NELL1: variants seen among roughly 807,000 people sequenced by gnomAD.
The protein encoded by NELL1 is neural EGFL like 1.
A neutral mutation model predicts 107.4 loss-of-function variants in NELL1; 76 were observed. That is an observed-to-expected ratio of 0.71 (90% CI 0.59 to 0.86). The LOEUF is 0.86. Ranked by LOEUF, NELL1 falls within the 40% of genes least tolerant of loss-of-function variation. The pLI is 0.00. For missense variants in NELL1, 1,024 were observed against 1,005.5 expected (o/e 1.02, Z -0.25); for synonymous variants, 353 against 341.2 (o/e 1.03, Z -0.38).
chr11:21,543,933 T>C (rs1856362427), intron 16 of NELL1, among the ~76,000 whole-genome samples: 1 of 152,004 alleles, frequency 6.6e-6, no homozygotes, highest in African/African-American at 2.4e-5. Flanking sequence ...TAAACATTTC[T>C]GGGAGTTAGT....
intron 2 of NELL1, among the ~76,000 whole-genome samples, chr11:20,689,458 C>T (rs1176494457): frequency 1.3e-4 from 16 of 122,884 alleles, no homozygotes; most frequent in African/African-American, 4.9e-4. Flanking sequence ...ACAACAGTCC[C>T]CAGAGTGTGA....
At chr11:20,735,430 C>G (rs973109218) in intron 2 of NELL1, among the ~76,000 whole-genome samples, 1 of 152,110 alleles carries the variant, frequency 6.6e-6, no homozygotes, top group Non-Finnish European at 1.5e-5. Context: ...GGAGAAGTGC[C>G]AAGCAGAGGG....
intron 12 of NELL1, among the ~76,000 whole-genome samples, chr11:21,040,237 A>G (rs1853196945): frequency 6.6e-6 from 1 of 151,972 alleles, no homozygotes; most frequent in African/African-American, 2.4e-5. Context: ...ATTACTTGTA[A>G]ACATCAATTG....
chr11:21,298,172 A>G (rs1171926788), intron 14 of NELL1, among the ~76,000 whole-genome samples: 3 of 151,986 alleles, frequency 2.0e-5, no homozygotes, highest in Admixed American at 6.6e-5. Context: ...TACTCTTTAC[A>G]TTGGTTAATT....
chr11:21,268,907 G>T (rs936377118), intron 14 of NELL1, among the ~76,000 whole-genome samples: 2 of 152,078 alleles, frequency 1.3e-5, no homozygotes, highest in Non-Finnish European at 2.9e-5. Flanking sequence ...GGATAAAGTA[G>T]ACAGAATGTA....
chr11:21,094,467 C>A (rs1186057198), intron 12 of NELL1, among the ~76,000 whole-genome samples: 1 of 152,210 alleles, frequency 6.6e-6, no homozygotes, highest in Admixed American at 6.5e-5. Flanking sequence ...CTAGGCAGTA[C>A]CCCAGTAGGG....
At chr11:21,380,723 C>G (rs1490534825) in intron 15 of NELL1, among the ~76,000 whole-genome samples, 4 of 151,982 alleles carry the variant, frequency 2.6e-5, no homozygotes, top group African/African-American at 9.7e-5. Context: ...AAAAATATCT[C>G]CAGCTGTTTT....
chr11:20,751,687 G>T (rs1363385903), intron 2 of NELL1, among the ~76,000 whole-genome samples: 3 of 151,034 alleles, frequency 2.0e-5, no homozygotes, highest in African/African-American at 7.4e-5. Context: ...ATGAAGTCTT[G>T]CTGTGTTGCT....
chr11:21,236,614 A>G (rs1003199379), intron 14 of NELL1, among the ~76,000 whole-genome samples: 1 of 152,170 alleles, frequency 6.6e-6, no homozygotes, highest in Non-Finnish European at 1.5e-5. Flanking sequence ...CACTAAATAT[A>G]GTTATACCAG....
At chr11:21,072,749 A>G (rs1854045518) in intron 12 of NELL1, among the ~76,000 whole-genome samples, 1 of 152,184 alleles carries the variant, frequency 6.6e-6, no homozygotes. Flanking sequence ...AGCTATAATG[A>G]GACTTGGCTG....
chr11:21,332,981 T>G (rs1850305468), intron 14 of NELL1, among the ~76,000 whole-genome samples: 1 of 152,034 alleles, frequency 6.6e-6, no homozygotes, highest in Non-Finnish European at 1.5e-5. Context: ...TAGAAAATGA[T>G]GTGGTATAAA....
At chr11:21,334,520 C>T (rs995883001) in intron 14 of NELL1, among the ~76,000 whole-genome samples, 1 of 151,924 alleles carries the variant, frequency 6.6e-6, no homozygotes, top group African/African-American at 2.4e-5. Flanking sequence ...GGTCACTATT[C>T]TCCTAAAGGA....
intron 2 of NELL1, among the ~76,000 whole-genome samples, chr11:20,746,136 C>T (rs895677962): frequency 1.3e-5 from 2 of 152,152 alleles, no homozygotes; most frequent in African/African-American, 4.8e-5. Flanking sequence ...TGAGGGAAGA[C>T]TTCTGTAGTC....
intron 12 of NELL1, among the ~76,000 whole-genome samples, chr11:21,105,723 C>T (rs1372357400): frequency 6.6e-6 from 1 of 151,680 alleles, no homozygotes; most frequent in East Asian, 2.0e-4. Flanking sequence ...GACTTCCTTA[C>T]CCTCACTATC....
chr11:21,268,573 TGTG>T (rs1191028511), intron 14 of NELL1, among the ~76,000 whole-genome samples: 1 of 152,062 alleles, frequency 6.6e-6, no homozygotes, highest in Non-Finnish European at 1.5e-5. Flanking sequence ...ACCTGAGTCT[TGTG>T]GGGTGGAGAT....
At chr11:20,957,825 A>G (rs1186914891) in intron 11 of NELL1, among the ~76,000 whole-genome samples, 1 of 152,186 alleles carries the variant, frequency 6.6e-6, no homozygotes, top group Non-Finnish European at 1.5e-5. Flanking sequence ...AAACTGAAAG[A>G]TACATCTCAA....
chr11:20,792,044 A>G lies in NELL1; in HGVS notation c.335+8214A>G, dbSNP rs1400636062. 4.6e-5 allele frequency among the ~76,000 whole-genome samples: 7 copies of G among 152,110 alleles called. No homozygotes were observed. The East Asian group carries it at 1.4e-3, about 29-fold the overall frequency. On this transcript the variant is annotated intron_variant, in intron 3 of 19. Coordinates refer to ENST00000357134, the MANE Select transcript of NELL1 (RefSeq NM_006157.5). Reference sequence around the variant, plus strand: ...TATTGTTGAGGACTTTTGTATCTATATCCATAAGTGAGGTATTGGTCTGCA... The same window carrying G: ...TATTGTTGAGGACTTTTGTATCTATGTCCATAAGTGAGGTATTGGTCTGCA...
intron 5 of NELL1, among the ~76,000 whole-genome samples, chr11:20,915,717 A>ATATATATTTTT: frequency 3.4e-5 from 2 of 58,218 alleles, no homozygotes; most frequent in African/African-American, 8.8e-5. Flanking sequence ...ATATATATAT[A>ATATATATTTTT]TTTTTTTTTT....
At chr11:21,183,210 A>T (rs565745919) in intron 13 of NELL1, among the ~76,000 whole-genome samples, 2 of 152,024 alleles carry the variant, frequency 1.3e-5, no homozygotes, top group African/African-American at 4.8e-5. Context: ...TACGTTTTTT[A>T]TGAACATGAT....
Sources: allele counts gnomAD v4.1 joint callset (sites outside exome capture counted in the v4.1 genomes callset), GRCh38; gene constraint gnomAD v4.1.1; transcripts MANE v1.5; gene names NCBI Gene and HGNC (gene_info 2026-07-23, HGNC 2026-07-21).